Variants in HDAC9 observed in about 807,000 individuals in gnomAD.
HDAC9 encodes the protein MEF-2 interacting transcription repressor (MITR) protein.
A neutral mutation model predicts 139.4 loss-of-function variants in HDAC9; 41 were observed. The ratio of observed to expected loss-of-function variants is 0.29; its 90% CI spans 0.23 to 0.38. The LOEUF is 0.38. Among genes scored for constraint, HDAC9 ranks in the 10% least tolerant of loss-of-function variants. The probability of loss-of-function intolerance (pLI) is 1.00; values close to 1 mark genes in which losing one functional copy is unlikely to be tolerated. For synonymous variants in HDAC9, 517 were observed against 476.2 expected (o/e 1.09, Z -1.12); for missense variants, 1,147 against 1,297.0 (o/e 0.88, Z 1.78).
chr7:18,703,876 A>G (rs1003144800), intron 12 of HDAC9, among the ~76,000 whole-genome samples: 2 of 152,076 alleles, frequency 1.3e-5, no homozygotes, highest in African/African-American at 4.8e-5. Context: ...TTTCACCACA[A>G]CACAGGCACA....
At chr7:18,602,145 A>G (rs770703226) in intron 6 of HDAC9, among the ~76,000 whole-genome samples, 4 of 152,000 alleles carry the variant, frequency 2.6e-5, no homozygotes, top group Non-Finnish European at 4.4e-5. Flanking sequence ...TTCATTAGAT[A>G]TAGGCCTATT....
intron 22 of HDAC9, among the ~76,000 whole-genome samples, chr7:18,931,804 G>C (rs936336789): frequency 6.6e-6 from 1 of 152,080 alleles, no homozygotes; most frequent in Non-Finnish European, 1.5e-5. Context: ...TAAAGACTAT[G>C]ACAATTAAAA....
chr7:18,366,976 A>G (rs77346868), intron 1 of HDAC9, among the ~76,000 whole-genome samples: 3,675 of 152,172 alleles, frequency 0.024, 135 homozygotes, highest in East Asian at 0.18. Context: ...TTAACATGCA[A>G]TTCTTAATAT....
intron 1 of HDAC9, among the ~76,000 whole-genome samples, chr7:18,357,862 A>G (rs1449753441): frequency 6.6e-6 from 1 of 152,212 alleles, no homozygotes; most frequent in Non-Finnish European, 1.5e-5. Context: ...GTAACTGGCC[A>G]GGACTGAAAG....
At chr7:18,301,061 T>C (rs1158517569) in intron 1 of HDAC9, among the ~76,000 whole-genome samples, 2 of 149,424 alleles carry the variant, frequency 1.3e-5, no homozygotes, top group Non-Finnish European at 3.0e-5. Context: ...TTTTTTTCTC[T>C]GGATGAAAAC....
At chr7:18,824,013 A>T (rs1795189754) in intron 17 of HDAC9, among the ~76,000 whole-genome samples, 1 of 149,902 alleles carries the variant, frequency 6.7e-6, no homozygotes. Flanking sequence ...GGGGAATGGG[A>T]AGGGGAAGAA....
chr7:18,837,981 C>T lies in HDAC9; in HGVS notation c.2684+1984C>T, dbSNP rs1337953320. ...TACTTGAGTTTCATTAGAGAAGTGG[C>T]ATTATCTAGCTAGGATGCAGAAATG... On this transcript the variant is annotated intron_variant, in intron 21 of 25. Transcript: ENST00000686413. Among the ~76,000 whole-genome samples, 5 of 151,994 alleles carry T rather than the reference C, an allele frequency of 3.3e-5. No homozygotes were observed. The South Asian group carries it at 8.3e-4, about 25-fold the overall frequency.
intron 12 of HDAC9, among the ~76,000 whole-genome samples, chr7:18,687,776 A>G (rs1300399979): frequency 6.6e-6 from 1 of 151,870 alleles, no homozygotes; most frequent in Non-Finnish European, 1.5e-5. Flanking sequence ...GCAGGGATTC[A>G]TGACTAGTTA....
chr7:18,172,253 T>G (rs751944808), intron 2 of HDAC9, among the ~76,000 whole-genome samples: 29 of 152,216 alleles, frequency 1.9e-4, no homozygotes, highest in Non-Finnish European at 1.5e-5. Flanking sequence ...TAGTATTCTA[T>G]TCTCTGATGG....
chr7:18,380,038 G>T (rs1785297952), intron 1 of HDAC9, among the ~76,000 whole-genome samples: 1 of 152,132 alleles, frequency 6.6e-6, no homozygotes, highest in South Asian at 2.1e-4. Flanking sequence ...AAAACCAATT[G>T]AGTTCTTAAA....
At chr7:18,595,025 G>T (rs1189560488) in intron 6 of HDAC9, among the ~76,000 whole-genome samples, 3 of 151,920 alleles carry the variant, frequency 2.0e-5, no homozygotes, top group African/African-American at 7.2e-5. Flanking sequence ...AAATTAAAAT[G>T]AATATAGATT....
intron 14 of HDAC9, among the ~76,000 whole-genome samples, chr7:18,758,843 CAT>C (rs1789115705): frequency 6.6e-6 from 1 of 150,766 alleles, no homozygotes; most frequent in Admixed American, 6.6e-5. Context: ...TCTGTAGAAA[CAT>C]GTGCACTATG....
intron 12 of HDAC9, among the ~76,000 whole-genome samples, chr7:18,681,859 C>G (rs1261539918): frequency 6.6e-6 from 1 of 151,972 alleles, no homozygotes; most frequent in Non-Finnish European, 1.5e-5. Flanking sequence ...CCCATAGGAC[C>G]TATACTGAAT....
chr7:18,493,588 C>T (rs1208385576), upstream of HDAC9, among the ~76,000 whole-genome samples: 1 of 151,678 alleles, frequency 6.6e-6, no homozygotes, highest in African/African-American at 2.4e-5. Context: ...ATAAGAAGTT[C>T]TTGTTCTGAT....
At chr7:18,583,529 C>G (rs73313268) in intron 2 of HDAC9, among the ~76,000 whole-genome samples, 5,356 of 151,206 alleles carry the variant, frequency 0.035, 335 homozygotes, top group African/African-American at 0.12. Flanking sequence ...GACCAGCCTT[C>G]GCGACATAGC....
intron 1 of HDAC9, among the ~76,000 whole-genome samples, chr7:18,388,087 C>G (rs1786107222): frequency 6.6e-6 from 1 of 152,176 alleles, no homozygotes; most frequent in African/African-American, 2.4e-5. Flanking sequence ...GTGGGCCCAT[C>G]TTATCCAGGA....
chr7:18,131,694 A>G (rs1392065315), intron 1 of HDAC9, among the ~76,000 whole-genome samples: 3 of 152,160 alleles, frequency 2.0e-5, no homozygotes, highest in Non-Finnish European at 4.4e-5. Context: ...AAGGACAGAA[A>G]CTCTGATGTT....
At chr7:18,201,025 C>T (rs1392460204) in intron 2 of HDAC9, among the ~76,000 whole-genome samples, 1 of 152,102 alleles carries the variant, frequency 6.6e-6, no homozygotes, top group Non-Finnish European at 1.5e-5. Context: ...TTTGGTACAG[C>T]CTCCTCGTTT....
chr7:18,985,576 T>C (rs1016541858), intron 25 of HDAC9, among the ~76,000 whole-genome samples: 5 of 150,798 alleles, frequency 3.3e-5, no homozygotes, highest in East Asian at 2.0e-4. Context: ...GTCCTTTGGG[T>C]ATATACCCAG....
Sources: gnomAD v4.1 joint callset for allele counts (sites outside exome capture counted in the v4.1 genomes callset) on GRCh38, gnomAD v4.1.1 for gene constraint, MANE v1.5 for transcripts, NCBI Gene and HGNC (gene_info 2026-07-23, HGNC 2026-07-21) for gene names.